PCDHGB6: variants seen among roughly 807,000 people sequenced by gnomAD.
PCDHGB6 encodes protocadherin gamma subfamily B, 6, also known as protocadherin gamma-B6.
A neutral mutation model predicts 59.1 loss-of-function variants in PCDHGB6; 51 were observed. That is an observed-to-expected ratio of 0.86 (90% confidence interval 0.69 to 1.09). PCDHGB6 has a LOEUF of 1.09. PCDHGB6 is among the 50% of genes least tolerant of loss of function. The pLI is 0.00. For synonymous variants in PCDHGB6, 466 were observed against 495.1 expected (o/e 0.94, Z 0.78); for missense variants, 1,148 against 1,205.1 (o/e 0.95, Z 0.70).
chr5:141,423,693 G>T lies in PCDHGB6; in HGVS notation c.2418+13073G>T, dbSNP rs114008539. On this transcript the variant is annotated intron_variant, in intron 1 of 3. Transcript: ENST00000520790. ...TTATTTCTCTGCCTCCTAATTGTTG[G>T]TGTCTTGGCACAAGTCTTTTAAGGA... 910 of 1,396,244 alleles carry T rather than the reference G, an allele frequency of 6.5e-4. 7 individuals carry two copies. The African/African-American group carries it at 0.012, about 18-fold the overall frequency. 86.5% of individuals were successfully genotyped at this position (1,396,244 alleles called of 1,614,324 possible).
chr5:141,469,992 G>T (rs894673835), intron 1 of PCDHGB6, among the ~76,000 whole-genome samples: 2 of 152,056 alleles, frequency 1.3e-5, no homozygotes, highest in Non-Finnish European at 2.9e-5. Context: ...TTAGCTGGTC[G>T]TCGTGGCACG....
intron 1 of PCDHGB6, chr5:141,471,645 T>G (rs891817778): frequency 1.3e-5 from 2 of 152,178 alleles, no homozygotes; most frequent in Non-Finnish European, 2.9e-5. Context: ...AGTAATATAC[T>G]GGATGTGGGG....
chr5:141,464,389 A>G (rs2099082481), intron 1 of PCDHGB6, among the ~76,000 whole-genome samples: 1 of 151,766 alleles, frequency 6.6e-6, no homozygotes, highest in Non-Finnish European at 1.5e-5. Flanking sequence ...AAAAATGCTA[A>G]TGAAGAACCT....
intron 1 of PCDHGB6, among the ~76,000 whole-genome samples, chr5:141,481,886 C>T (rs575190135): frequency 6.9e-6 from 1 of 145,360 alleles, no homozygotes; most frequent in South Asian, 2.2e-4. Context: ...TGCACTCCAG[C>T]CTGGGTGAAA....
At chr5:141,420,018 G>A (rs2096458708) in intron 1 of PCDHGB6, 2 of 1,613,948 alleles carry the variant, frequency 1.2e-6, no homozygotes, top group African/African-American at 1.3e-5. Flanking sequence ...CAGTCTTTCA[G>A]CCCTACTGCA....
rs765972156 is a variant in PCDHGB6, at chr5:141,432,960, G to A, written c.2418+22340G>A. 3.1e-6 allele frequency: 5 copies of A among 1,614,070 alleles called. No individual in the cohort carries two copies. The East Asian group carries it at 6.7e-5, about 22-fold the overall frequency. On this transcript the variant is annotated intron_variant, in intron 1 of 3. Transcript: ENST00000520790. This position sits in a 1 kb window ranked among gnomAD's most constrained non-coding sequence, Gnocchi z 6.0. ...CAGGCTTCAGGAGGCGGCTTGACAG[G>A]AGCGCCGGCGTCGCACTTTGTGGGC...
intron 1 of PCDHGB6, among the ~76,000 whole-genome samples, chr5:141,465,907 G>C (rs1367648934): frequency 6.6e-6 from 1 of 152,056 alleles, no homozygotes; most frequent in East Asian, 1.9e-4. Flanking sequence ...CAAATCACGA[G>C]GTCAGGATTT....
At chr5:141,433,273 A>T in intron 1 of PCDHGB6, 1 of 1,258,988 alleles carries the variant, frequency 7.9e-7, no homozygotes. Flanking sequence ...AGCTCACTGC[A>T]GCCTCAAACT....
intron 1 of PCDHGB6, 82 bp from the exon 2 acceptor site, chr5:141,494,725 C>T: frequency 6.2e-7 from 1 of 1,610,026 alleles, no homozygotes; most frequent in Middle Eastern, 1.7e-4. Context: ...CCCTCCTTCT[C>T]TCCCGGCCCA....
Position 141,437,358 on chromosome 5 carries a change from T to C in PCDHGB6, c.2418+26738T>C, listed in dbSNP as rs115917828. ...CTTCACTGTTTTATAGTACCTAAAATTGGAATGTAATCAGTCAGAAGACAT... is the reference window on the plus strand; with the variant it reads ...CTTCACTGTTTTATAGTACCTAAAACTGGAATGTAATCAGTCAGAAGACAT... On this transcript the variant is annotated intron_variant, in intron 1 of 3. Coordinates refer to ENST00000520790, the MANE Select transcript of PCDHGB6 (RefSeq NM_018926.3). 4.6e-3 allele frequency among the ~76,000 whole-genome samples: 702 copies of C among 152,356 alleles called. 4 individuals carry two copies. Among genetic ancestry groups the C allele is most frequent in the African/African-American group, 0.015 (639 of 41,574 alleles).
At chr5:141,449,818 A>G (rs1446661913) in intron 1 of PCDHGB6, among the ~76,000 whole-genome samples, 2 of 151,708 alleles carry the variant, frequency 1.3e-5, no homozygotes, top group Non-Finnish European at 2.9e-5. Flanking sequence ...GTATTTCCTA[A>G]CAAGGACATT....
chr5:141,489,458 G>A lies in PCDHGB6; in HGVS notation c.2419-5349G>A, dbSNP rs143138320. 3.5e-5 allele frequency: 56 copies of A among 1,614,042 alleles called. No homozygotes were observed. The highest frequency in any genetic ancestry group is 8.0e-5 in the African/African-American group (6 of 75,052). ...CAATTGGGCTCTGAGGAGAATGGGC[G>A]CTATTTTTCCCTGAGCTTGATGAGT... is the stretch of plus-strand genomic sequence containing the variant. On this transcript the variant is annotated intron_variant, in intron 1 of 3. Transcript: ENST00000520790. This position sits in a 1 kb window ranked among gnomAD's most constrained non-coding sequence, Gnocchi z 4.5.
intron 1 of PCDHGB6, among the ~76,000 whole-genome samples, chr5:141,458,380 G>T (rs1592559992): frequency 6.6e-6 from 1 of 152,136 alleles, no homozygotes; most frequent in African/African-American, 2.4e-5. Flanking sequence ...AAGAGAGAAG[G>T]AAGACGCTCC....
At chr5:141,479,003 C>A (rs2099485569) in intron 1 of PCDHGB6, among the ~76,000 whole-genome samples, 1 of 152,176 alleles carries the variant, frequency 6.6e-6, no homozygotes, top group African/African-American at 2.4e-5. Flanking sequence ...AAACTAATAG[C>A]TTTTTGATAA....
chr5:141,494,675 C>A, intron 1 of PCDHGB6, 132 bp from the exon 2 acceptor site: 2 of 1,548,574 alleles, frequency 1.3e-6, no homozygotes, highest in South Asian at 1.2e-5. Flanking sequence ...TGAGTCCACC[C>A]CTGCCCCCTC....
intron 1 of PCDHGB6, among the ~76,000 whole-genome samples, chr5:141,464,901 G>A (rs1562002452): frequency 6.6e-6 from 1 of 151,916 alleles, no homozygotes; most frequent in Non-Finnish European, 1.5e-5. Context: ...ACCATGTCCA[G>A]CTAATTTTTT....
intron 2 of PCDHGB6, among the ~76,000 whole-genome samples, chr5:141,498,352 CA>C: frequency 6.6e-6 from 1 of 151,890 alleles, no homozygotes; most frequent in African/African-American, 2.4e-5. Flanking sequence ...AAAGCCTATG[CA>C]AAAGCCTTGT....
chr5:141,414,710 A>C (rs1253697066), intron 1 of PCDHGB6: 4 of 1,613,836 alleles, frequency 2.5e-6, no homozygotes, highest in African/African-American at 1.3e-5. Flanking sequence ...ATATCCATCA[A>C]CTCAGACACT....
At chr5:141,471,506 G>A (rs2099258630) in intron 1 of PCDHGB6, 1 of 152,214 alleles carries the variant, frequency 6.6e-6, no homozygotes, top group South Asian at 2.1e-4. Flanking sequence ...GCAAGAGAGG[G>A]AGTAAAAATA....
Sources: gnomAD v4.1 joint callset for allele counts (sites outside exome capture counted in the v4.1 genomes callset) on GRCh38, gnomAD v4.1.1 for gene constraint, Gnocchi (gnomAD v3.1) non-coding constraint, MANE v1.5 for transcripts, NCBI Gene and HGNC (gene_info 2026-07-23, HGNC 2026-07-21) for gene names.